Variants in NMNAT1 observed in about 807,000 individuals in gnomAD.
NMNAT1 encodes the protein nicotinamide nucleotide adenylyltransferase 1, also known as nicotinamide/nicotinic acid mononucleotide adenylyltransferase 1.
Under a neutral mutation model 16.7 loss-of-function variants are expected in NMNAT1, and 11 were observed. The observed-to-expected ratio is 0.66, with a 90% CI of 0.41 to 1.09. The LOEUF is 1.09. Among genes scored for constraint, NMNAT1 ranks in the 50% least tolerant of loss-of-function variants. The pLI is 0.00. For missense variants in NMNAT1, 280 were observed against 332.3 expected, an observed-to-expected ratio of 0.84 and a Z score of 1.22; for synonymous variants, 110 against 119.8, an observed-to-expected ratio of 0.92 and a Z score of 0.53.
At chr1:9,965,178 G>A (rs1356522961) in intron 1 of NMNAT1, among the ~76,000 whole-genome samples, 5 of 149,524 alleles carry the variant, frequency 3.3e-5, no homozygotes, top group African/African-American at 1.2e-4. Flanking sequence ...TTAGCTGGGT[G>A]TGGTGGCGTG....
intron 1 of NMNAT1, among the ~76,000 whole-genome samples, chr1:9,971,030 TTGGGTTTGCTTATGTGTCTGAGC>T (rs558662921): frequency 6.6e-4 from 100 of 152,266 alleles, no homozygotes; most frequent in African/African-American, 2.2e-3. Context: ...TTGATCTCAC[TTGGGTTTGCTTATGTGTCTGAGC>T]AGATGGACTG....
intron 1 of NMNAT1, among the ~76,000 whole-genome samples, chr1:9,953,867 A>G (rs1242338958): frequency 3.8e-4 from 48 of 127,132 alleles, no homozygotes; most frequent in Middle Eastern, 6.0e-3. Context: ...GTGCAGTGGC[A>G]CGATCTTGGC....
At chr1:9,981,571 AT>A in intron 4 of NMNAT1, 1 of 162,948 alleles carries the variant, frequency 6.1e-6, no homozygotes. Context: ...GGGTCTCACT[AT>A]TTTGGCCAGG....
At chr1:9,992,957 C>A in the NMNAT1 span, among the ~76,000 whole-genome samples, 1 of 151,986 alleles carries the variant, frequency 6.6e-6, no homozygotes. Context: ...CTAATAGTGA[C>A]TTTTGAGCTG....
chr1:9,959,096 G>C (rs1641337849), intron 1 of NMNAT1, among the ~76,000 whole-genome samples: 1 of 152,178 alleles, frequency 6.6e-6, no homozygotes, highest in African/African-American at 2.4e-5. Flanking sequence ...TCTTGGTCGG[G>C]CACAGTGGCT....
At chr1:9,959,138 G>A (rs1476156171) in intron 1 of NMNAT1, among the ~76,000 whole-genome samples, 1 of 152,128 alleles carries the variant, frequency 6.6e-6, no homozygotes, top group Non-Finnish European at 1.5e-5. Context: ...TTGGGAAGCC[G>A]AGGCAGGTGG....
intron 1 of NMNAT1, among the ~76,000 whole-genome samples, chr1:9,971,100 G>A (rs550712141): frequency 6.6e-6 from 1 of 152,282 alleles, no homozygotes; most frequent in African/African-American, 2.4e-5. Flanking sequence ...TTCCCCACAT[G>A]TGGGGTGGTT....
chr1:9,972,299 A>G, intron 2 of NMNAT1, 111 bp downstream of exon 2: 1 of 675,926 alleles, frequency 1.5e-6, no homozygotes, highest in South Asian at 1.7e-5. Flanking sequence ...TCACAAGGTC[A>G]AGAGATCGAG....
At chr1:9,993,397 A>G in the NMNAT1 span, among the ~76,000 whole-genome samples, 1 of 151,954 alleles carries the variant, frequency 6.6e-6, no homozygotes, top group East Asian at 1.9e-4. Context: ...AATTGCTTGA[A>G]TTCAGGAGGT....
At chr1:9,945,194 G>C (rs572730257) in intron 1 of NMNAT1, among the ~76,000 whole-genome samples, 4 of 152,124 alleles carry the variant, frequency 2.6e-5, no homozygotes, top group Non-Finnish European at 4.4e-5. Context: ...AGATCACGAC[G>C]CTGCACTGCA....
intron 4 of NMNAT1, among the ~76,000 whole-genome samples, chr1:9,981,983 CCT>C (rs1236322352): frequency 1.3e-5 from 2 of 152,138 alleles, no homozygotes; most frequent in Non-Finnish European, 2.9e-5. Context: ...CCTGCCTCAG[CCT>C]CTCAAGTATC....
chr1:9,967,277 T>G (rs926574385), intron 1 of NMNAT1: 10 of 153,576 alleles, frequency 6.5e-5, no homozygotes, highest in African/African-American at 2.4e-4. Flanking sequence ...GAAAAGAATT[T>G]TCTCAAGCCA....
intron 4 of NMNAT1, 89 bp from the exon 5 acceptor site, chr1:9,982,212 G>C: frequency 6.8e-7 from 1 of 1,460,804 alleles, no homozygotes; most frequent in Non-Finnish European, 9.2e-7. Context: ...TTGATACAGT[G>C]GGTTATTAGA....
chr1:9,982,341 G>C lies in NMNAT1; in HGVS notation c.480G>C (p.Leu160Phe), dbSNP rs1049428996. 7 of 1,613,900 alleles carry C rather than the reference G, an allele frequency of 4.3e-6. No individual in the cohort carries two copies. Among genetic ancestry groups the C allele is most frequent in the Non-Finnish European group, 5.9e-6 (7 of 1,179,974 alleles). The change falls in exon 5 of 5, where the codon TTG becomes TTC. Residue 160 changes from leucine (L) to phenylalanine (F), a missense_variant. By Grantham distance (22) the Leu-to-Phe change is conservative. Transcript: ENST00000377205. ...KVKLLCGADL[L>F]ESFAVPNLWK... Reference sequence around the variant, plus strand: ...AGCTGCTGTGTGGGGCAGATTTATTGGAGTCCTTTGCTGTTCCCAATTTGT... The same window carrying C: ...AGCTGCTGTGTGGGGCAGATTTATTCGAGTCCTTTGCTGTTCCCAATTTGT...
At chr1:9,963,439 T>C (rs1641471013) in intron 1 of NMNAT1, among the ~76,000 whole-genome samples, 1 of 152,068 alleles carries the variant, frequency 6.6e-6, no homozygotes, top group Admixed American at 6.6e-5. Context: ...AGATGGCGTC[T>C]TGCTGTGTCC....
chr1:9,979,674 C>T (rs192811969), intron 3 of NMNAT1, among the ~76,000 whole-genome samples: 11 of 151,208 alleles, frequency 7.3e-5, no homozygotes, highest in East Asian at 4.0e-4. Flanking sequence ...TGGTGGTGGG[C>T]GCCTGTAGTC....
At chr1:9,995,392 C>A in the NMNAT1 span, among the ~76,000 whole-genome samples, 1 of 151,882 alleles carries the variant, frequency 6.6e-6, no homozygotes, top group East Asian at 1.9e-4. Context: ...GAGCAAGACT[C>A]TATCTCAAAA....
chr1:9,993,246 A>G, the NMNAT1 span, among the ~76,000 whole-genome samples: 1 of 152,156 alleles, frequency 6.6e-6, no homozygotes, highest in East Asian at 1.9e-4. Flanking sequence ...CAGGAGGCCT[A>G]GGTGGGTGGA....
chr1:9,975,273 G>A (rs1056743154), intron 2 of NMNAT1, among the ~76,000 whole-genome samples: 9 of 152,148 alleles, frequency 5.9e-5, no homozygotes, highest in African/African-American at 2.2e-4. Context: ...GGCTGAGGCA[G>A]GCAGATCACT....
Sources: allele counts gnomAD v4.1 joint callset (sites outside exome capture counted in the v4.1 genomes callset), GRCh38; gene constraint gnomAD v4.1.1; transcripts MANE v1.5; gene names NCBI Gene and HGNC (gene_info 2026-07-23, HGNC 2026-07-21).